Variants in CPQ observed in about 807,000 individuals in gnomAD.
CPQ encodes the protein carboxypeptidase Q.
CPQ carries 37 observed loss-of-function variants against 45.7 expected under a neutral mutation model. The observed-to-expected ratio is 0.81, with a 90% confidence interval of 0.62 to 1.07. The LOEUF (loss-of-function observed/expected upper bound fraction) is 1.07. Ranked by LOEUF, CPQ falls within the 50% of genes least tolerant of loss-of-function variation. The pLI is 0.00. For synonymous variants in CPQ, 186 were observed against 205.8 expected, an observed-to-expected ratio of 0.90 and a Z score of 0.82; for missense variants, 537 against 572.9, an observed-to-expected ratio of 0.94 and a Z score of 0.64.
intron 1 of CPQ, among the ~76,000 whole-genome samples, chr8:96,767,996 G>A (rs750882745): frequency 6.6e-6 from 1 of 151,964 alleles, no homozygotes; most frequent in Non-Finnish European, 1.5e-5. Flanking sequence ...AGCCTGGGAT[G>A]TGGTCTCCAC....
chr8:97,059,730 C>T (rs896131426), intron 6 of CPQ, among the ~76,000 whole-genome samples: 15 of 152,176 alleles, frequency 9.9e-5, no homozygotes, highest in African/African-American at 3.6e-4. Context: ...ATTGCAGCAA[C>T]TCAGCACACA....
Position 96,991,680 on chromosome 8 carries a change from G to T in CPQ, c.961+25634G>T, listed in dbSNP as rs1021104077. ...ACATTGTCAGCTGCATAAGAGCAGG[G>T]TCTATGTGTATCTTGTTTAACACTG... On this transcript the variant is annotated intron_variant, in intron 5 of 7. Coordinates refer to ENST00000220763, the MANE Select transcript of CPQ (RefSeq NM_016134.4). Among the ~76,000 whole-genome samples, 27 of 151,916 alleles carry T rather than the reference G, an allele frequency of 1.8e-4. 2 individuals are homozygous for T. Among genetic ancestry groups the T allele is most frequent in the Admixed American group, 1.8e-3 (27 of 15,234 alleles).
intron 1 of CPQ, among the ~76,000 whole-genome samples, chr8:96,671,877 A>T (rs1014773594): frequency 1.7e-4 from 26 of 152,202 alleles, no homozygotes; most frequent in African/African-American, 5.5e-4. Flanking sequence ...GAGAAAATTG[A>T]AAACTTGGGG....
At chr8:96,791,644 C>T (rs1242870629) in intron 2 of CPQ, among the ~76,000 whole-genome samples, 1 of 152,186 alleles carries the variant, frequency 6.6e-6, no homozygotes, top group Non-Finnish European at 1.5e-5. Flanking sequence ...ATTTTAAGCT[C>T]TGAAGAGACT....
intron 1 of CPQ, among the ~76,000 whole-genome samples, chr8:96,719,263 G>A (rs971118970): frequency 6.6e-6 from 1 of 152,200 alleles, no homozygotes; most frequent in Admixed American, 6.5e-5. Context: ...GTGAGAAATC[G>A]AGCGCAGCGC....
chr8:96,834,480 A>G (rs1811499673), intron 2 of CPQ, among the ~76,000 whole-genome samples: 1 of 152,204 alleles, frequency 6.6e-6, no homozygotes, highest in Non-Finnish European at 1.5e-5. Flanking sequence ...TATGAACAAC[A>G]TTGGCTTCTA....
At chr8:96,702,415 A>C (rs112391636) in intron 1 of CPQ, among the ~76,000 whole-genome samples, 100 of 152,312 alleles carry the variant, frequency 6.6e-4, no homozygotes, top group Admixed American at 1.9e-3. Context: ...TAAGAGAGAG[A>C]AAGGTGAACG....
At chr8:96,740,222 C>G (rs1810065147) in intron 1 of CPQ, among the ~76,000 whole-genome samples, 1 of 152,122 alleles carries the variant, frequency 6.6e-6, no homozygotes, top group African/African-American at 2.4e-5. Context: ...CTTTTTAAAG[C>G]AATTGTGAAT....
At chr8:96,974,914 A>C (rs1423081196) in intron 5 of CPQ, among the ~76,000 whole-genome samples, 1 of 152,152 alleles carries the variant, frequency 6.6e-6, no homozygotes, top group African/African-American at 2.4e-5. Context: ...CAAAAATCTG[A>C]AAGAGAACCA....
intron 1 of CPQ, among the ~76,000 whole-genome samples, chr8:96,722,831 T>C (rs1283899199): frequency 2.6e-5 from 4 of 152,140 alleles, no homozygotes; most frequent in Non-Finnish European, 5.9e-5. Context: ...TTTCTTGATT[T>C]CCCTGGCGCA....
intron 6 of CPQ, among the ~76,000 whole-genome samples, chr8:97,042,033 T>C (rs918706416): frequency 1.3e-5 from 2 of 152,020 alleles, no homozygotes; most frequent in Admixed American, 1.3e-4. Context: ...TCTTTTTCTA[T>C]TGATTGGAAT....
chr8:96,698,311 C>G (rs1809413153), intron 1 of CPQ, among the ~76,000 whole-genome samples: 1 of 152,092 alleles, frequency 6.6e-6, no homozygotes, highest in South Asian at 2.1e-4. Context: ...AAGAATGAAA[C>G]TAGACCCCCA....
chr8:97,036,602 GTCTTC>G (rs552254944), intron 6 of CPQ, among the ~76,000 whole-genome samples: 7 of 152,108 alleles, frequency 4.6e-5, no homozygotes, highest in Non-Finnish European at 8.8e-5. Context: ...TAATGTTGCT[GTCTTC>G]TCTTCTCTTC....
chr8:96,743,477 G>A (rs1366686265), intron 1 of CPQ, among the ~76,000 whole-genome samples: 4 of 152,186 alleles, frequency 2.6e-5, no homozygotes, highest in South Asian at 4.1e-4. Flanking sequence ...CTCTCAGCTC[G>A]TCAAAGTCAT....
Position 97,119,763 on chromosome 8 carries a change from T to C in CPQ, c.1256-23257T>C, listed in dbSNP as rs184260188. Among the ~76,000 whole-genome samples the C allele has an allele frequency of 1.6e-4, 24 of 152,310 alleles. No individual in the cohort carries two copies. The East Asian group carries it at 4.2e-3, about 27-fold the overall frequency. On this transcript the variant is annotated intron_variant, in intron 7 of 7. Coordinates refer to ENST00000220763, the MANE Select transcript of CPQ (RefSeq NM_016134.4). Reference sequence around the variant, plus strand: ...GCACCAGAATCTAATTTAATCACAGTACCCAGTCAGGAGTGAGTTTTAATT... The same window carrying C: ...GCACCAGAATCTAATTTAATCACAGCACCCAGTCAGGAGTGAGTTTTAATT...
intron 5 of CPQ, among the ~76,000 whole-genome samples, chr8:96,970,362 A>G (rs1229607789): frequency 6.6e-6 from 1 of 152,162 alleles, no homozygotes; most frequent in Admixed American, 6.5e-5. Flanking sequence ...GAAGATTACT[A>G]TTGTAAGCAT....
intron 2 of CPQ, among the ~76,000 whole-genome samples, chr8:96,789,792 A>G (rs1244633229): frequency 6.6e-6 from 1 of 152,180 alleles, no homozygotes; most frequent in Non-Finnish European, 1.5e-5. Context: ...GTGTTTGCTC[A>G]GAGGTTGTCC....
intron 1 of CPQ, among the ~76,000 whole-genome samples, chr8:96,737,957 C>A (rs932632364): frequency 1.3e-5 from 2 of 151,830 alleles, no homozygotes; most frequent in African/African-American, 4.8e-5. Context: ...TTAGTATTTT[C>A]TAATTTTTAT....
intron 7 of CPQ, among the ~76,000 whole-genome samples, chr8:97,120,108 C>T (rs142028049): frequency 6.6e-6 from 1 of 152,298 alleles, no homozygotes; most frequent in East Asian, 1.9e-4. Flanking sequence ...CTTTGTCTAA[C>T]ACGTATAAAT....
Sources: gnomAD v4.1 joint callset for allele counts (sites outside exome capture counted in the v4.1 genomes callset) on GRCh38, gnomAD v4.1.1 for gene constraint, MANE v1.5 for transcripts, NCBI Gene and HGNC (gene_info 2026-07-23, HGNC 2026-07-21) for gene names.